MAU2: variants seen among roughly 807,000 people sequenced by gnomAD.
The protein encoded by MAU2 is MAU2 chromatid cohesion factor homolog.
In MAU2, 9 loss-of-function variants were observed where a neutral mutation model predicts 89.1. The ratio of observed to expected loss-of-function variants is 0.10; its 90% CI spans 0.06 to 0.18. The LOEUF (loss-of-function observed/expected upper bound fraction) is 0.18, where lower values mean the gene tolerates loss of function less well. MAU2 is among the 10% of genes least tolerant of loss of function. The probability of loss-of-function intolerance (pLI) is 1.00; values close to 1 mark genes in which losing one functional copy is unlikely to be tolerated. For missense variants in MAU2, 425 were observed against 803.5 expected (o/e 0.53, Z 5.69); for synonymous variants, 357 against 343.4 (o/e 1.04, Z -0.44).
chr19:19,336,666 CT>C (rs2061599155), intron 3 of MAU2, among the ~76,000 whole-genome samples: 1 of 152,222 alleles, frequency 6.6e-6, no homozygotes, highest in Non-Finnish European at 1.5e-5. Flanking sequence ...GGGCCAGCAG[CT>C]TCCTTTTCTA....
Position 19,342,550 on chromosome 19 carries a change from C to T in MAU2, c.751C>T (p.Pro251Ser), listed in dbSNP as rs755204967. 1.3e-6 allele frequency: 2 copies of T among 1,595,204 alleles called. No individual in the cohort carries two copies. The highest frequency in any genetic ancestry group is 1.7e-6 in the Non-Finnish European group (2 of 1,170,172). The change falls in exon 8 of 19, where the codon CCG becomes TCG. Residue 251 changes from proline (P) to serine (S), a missense_variant. Coordinates refer to ENST00000262815, the MANE Select transcript of MAU2 (RefSeq NM_015329.4). ...LDAGQVKSVK[P>S]CLKQLQQCIQ... ...TGCTGCACAGGTGAAGAGCGTGAAG[C>T]CGTGTCTGAAGCAGCTGCAGCAGTG... is the stretch of plus-strand genomic sequence containing the variant.
chr19:19,345,309 G>C lies in MAU2; in HGVS notation c.1161G>C (p.Leu387=), dbSNP rs201742988. Residue 387 remains leucine, a synonymous_variant, in exon 12 of 19, where the codon CTG becomes CTC. Coordinates refer to ENST00000262815, the MANE Select transcript of MAU2 (RefSeq NM_015329.4). The surrounding 1 kb of genome is among the most constrained non-coding windows in gnomAD (Gnocchi z 4.9). Reference sequence around the variant, plus strand: ...ACAACACCACCTTCTTCCAGGGCCTGTACTGTGTCTCTGTCAACTGCATGG... The same window carrying C: ...ACAACACCACCTTCTTCCAGGGCCTCTACTGTGTCTCTGTCAACTGCATGG... The part of the protein sequence containing the change: ...HAAQLHTLLG[L]YCVSVNCMDN... The C allele has an allele frequency of 9.6e-5, 155 of 1,613,874 alleles. No homozygotes were observed. The highest frequency in any genetic ancestry group is 8.3e-4 in the Middle Eastern group (5 of 6,060).
At chr19:19,341,911 G>C (rs569826836) in intron 7 of MAU2, among the ~76,000 whole-genome samples, 2 of 152,138 alleles carry the variant, frequency 1.3e-5, no homozygotes, top group Non-Finnish European at 2.9e-5. Context: ...TCAGCCCTTC[G>C]GGGGCTGGGG....
At chr19:19,347,651 C>A in intron 13 of MAU2, 1 of 308,330 alleles carries the variant, frequency 3.2e-6, no homozygotes, top group Non-Finnish European at 6.1e-6. Flanking sequence ...GTCTTATAGC[C>A]CAAGCTGTCT....
In MAU2 at chr19:19,349,857, A is replaced by G. The variant is rs529168729; in HGVS notation, c.1548+421A>G. The stretch of plus-strand genomic sequence containing the variant: ...CAACACAGTGTCCTCTCAGGGTACA[A>G]GTGGCCCCTGGGATTGGTCCCCACC... On this transcript the variant is annotated intron_variant, in intron 16 of 18. Coordinates refer to ENST00000262815, the MANE Select transcript of MAU2 (RefSeq NM_015329.4). 3.3e-5 allele frequency among the ~76,000 whole-genome samples: 5 copies of G among 152,230 alleles called. No individual in the cohort carries two copies. The South Asian group carries it at 1.0e-3, about 32-fold the overall frequency.
intron 15 of MAU2, 24 bp downstream of exon 15, chr19:19,349,256 G>C (rs369991994): frequency 6.2e-7 from 1 of 1,613,934 alleles, no homozygotes. Context: ...AGAGGGTGGC[G>C]TGAGGGCCAT....
chr19:19,342,933 A>G (rs2965192), intron 9 of MAU2, 67 bp downstream of exon 9: 1,543,412 of 1,553,766 alleles, frequency 0.99, 766,588 homozygotes, highest in Middle Eastern at 1. Flanking sequence ...GCCAGACGCT[A>G]GCTGTACCAG....
Position 19,341,420 on chromosome 19 carries a change from T to C in MAU2, c.735+13T>C, listed in dbSNP as rs759348255. 9 of 1,612,884 alleles carry C rather than the reference T, an allele frequency of 5.6e-6. No individual in the cohort carries two copies. Among genetic ancestry groups the C allele is most frequent in the African/African-American group, 2.7e-5 (2 of 74,920 alleles). On this transcript the variant is annotated intron_variant, in intron 7 of 18. Transcript: ENST00000262815. ...GGATGCCGGGCAGGTGTGTGGCGCC[T>C]CTCAGGCGAGCTGCTGGTTGTGACC...
In MAU2 at chr19:19,356,886, TGTGGCATTCCGAGTTGGGGCGG is replaced by T. The variant is rs1382829145; in HGVS notation, c.*1109_*1130del. 6.6e-6 allele frequency: 1 copy of T among 152,232 alleles called. No individual in the cohort carries two copies. The highest frequency in any genetic ancestry group is 1.5e-5 in the Non-Finnish European group (1 of 68,074). 9.4% of individuals were successfully genotyped at this position (152,232 alleles called of 1,614,324 possible). ...TCAGGAGGTGCCCCAGTGGTCACAG[TGTGGCATTCCGAGTTGGGGCGG>T]GTGGTCGGGTCAAGATAGCAGCAGC... On this transcript the variant is annotated 3_prime_UTR_variant, in exon 19 of 19. Transcript: ENST00000262815.
At position 19,345,102 on chromosome 19, in the gene MAU2, A is replaced by T; in HGVS notation, c.1155+176A>T. ...CCCAGGCACGATCCGGAATGCTCCC[A>T]GTGAGCATCTTGTCCCACCCCACAT... On this transcript the variant is annotated intron_variant, in intron 11 of 18. Coordinates refer to ENST00000262815, the MANE Select transcript of MAU2 (RefSeq NM_015329.4). The surrounding 1 kb of genome is among the most constrained non-coding windows in gnomAD (Gnocchi z 4.9). 1.4e-6 allele frequency: 1 copy of T among 728,198 alleles called. No individual in the cohort carries two copies. Among genetic ancestry groups the T allele is most frequent in the Non-Finnish European group, 2.3e-6 (1 of 427,142 alleles). 45.1% of individuals were successfully genotyped at this position (728,198 alleles called of 1,614,324 possible). A position where few individuals can be genotyped will look rare whatever the true frequency, so the allele number is the denominator to read the frequency against.
intron 1 of MAU2, chr19:19,334,328 T>G: frequency 1.0e-6 from 1 of 985,582 alleles, no homozygotes; most frequent in African/African-American, 1.7e-5. Context: ...TGGTCTGGGC[T>G]CCTGCGTGTG....
intron 9 of MAU2, among the ~76,000 whole-genome samples, 181 bp from the exon 10 acceptor site, chr19:19,343,656 C>A (rs1045338836): frequency 6.6e-6 from 1 of 152,212 alleles, no homozygotes; most frequent in African/African-American, 2.4e-5. Context: ...AGCTCCGTCT[C>A]CCCACCTGGA....
chr19:19,324,131 GT>G (rs1268373624), intron 1 of MAU2, among the ~76,000 whole-genome samples: 8 of 152,312 alleles, frequency 5.3e-5, no homozygotes, highest in African/African-American at 1.9e-4. Context: ...ATAGTAAGAG[GT>G]TAGGCAGTGA....
intron 1 of MAU2, among the ~76,000 whole-genome samples, chr19:19,326,691 A>ATATATATACGTATATAT (rs1555792830): frequency 1.8e-5 from 2 of 109,446 alleles, no homozygotes; most frequent in Admixed American, 1.1e-4. Context: ...CTCAAAAAAA[A>ATATATATACGTATATAT]ATATATATAT....
At chr19:19,350,607 C>CA (rs35857527) in intron 16 of MAU2, among the ~76,000 whole-genome samples, 32,949 of 130,266 alleles carry the variant, frequency 0.25, 4,141 homozygotes, top group South Asian at 0.38. Flanking sequence ...GACTCCATCT[C>CA]AAAAAAAAAA....
rs117907448 is a variant in MAU2 at position 19,336,720 on chromosome 19, G to A, written c.361-450G>A. On this transcript the variant is annotated intron_variant, in intron 3 of 18. Coordinates refer to ENST00000262815, the MANE Select transcript of MAU2 (RefSeq NM_015329.4). ...GATCAGCCTGTTCCTCACCTGACAA[G>A]TCTGTACAGTTTCTCTTCTTAATCT... Among the ~76,000 whole-genome samples the A allele has an allele frequency of 5.8e-4, 89 of 152,258 alleles. 1 individual carries two copies. In the East Asian group the frequency reaches 0.017, roughly 29 times the overall value.
chr19:19,353,486 G>A (rs2061761098), intron 16 of MAU2: 1 of 152,280 alleles, frequency 6.6e-6, no homozygotes, highest in African/African-American at 2.4e-5. Context: ...TTGTGTCTCA[G>A]GAGGAGCATC....
At chr19:19,354,231 A>G in intron 16 of MAU2, 124 bp from the exon 17 acceptor site, 1 of 711,378 alleles carries the variant, frequency 1.4e-6, no homozygotes, top group Non-Finnish European at 2.6e-6. Flanking sequence ...CCAGACGCAG[A>G]AGGAGGTCAC....
chr19:19,345,148 G>A lies in MAU2; in HGVS notation c.1156-156G>A. On this transcript the variant is annotated intron_variant, in intron 11 of 18. Coordinates refer to ENST00000262815, the MANE Select transcript of MAU2 (RefSeq NM_015329.4). This position sits in a 1 kb window ranked among gnomAD's most constrained non-coding sequence, Gnocchi z 4.9. The stretch of plus-strand genomic sequence containing the variant: ...CACATTGGCTTGGGTCTGAAAGGTG[G>A]GGACAGTGAGCATATTACCTGCCTT... 1.3e-6 allele frequency: 1 copy of A among 741,140 alleles called. No homozygotes were observed. The highest frequency in any genetic ancestry group is 2.3e-6 in the Non-Finnish European group (1 of 434,868). 45.9% of individuals were successfully genotyped at this position (741,140 alleles called of 1,614,324 possible). A position where few individuals can be genotyped will look rare whatever the true frequency, so the allele number is the denominator to read the frequency against.
Sources: gnomAD v4.1 joint callset for allele counts (sites outside exome capture counted in the v4.1 genomes callset) on GRCh38, gnomAD v4.1.1 for gene constraint, Gnocchi (gnomAD v3.1) non-coding constraint, MANE v1.5 for transcripts, NCBI Gene and HGNC (gene_info 2026-07-23, HGNC 2026-07-21) for gene names.